The following GLT8D2 variants were observed in gnomAD, a reference collection of about 807,000 sequenced individuals.
GLT8D2 encodes glycosyltransferase 8 domain containing 2, also known as glycosyltransferase 8 domain-containing protein 2.
In GLT8D2, 45 loss-of-function variants were observed where a neutral mutation model predicts 44.5. The observed-to-expected ratio is 1.01, with a 90% confidence interval of 0.80 to 1.30. The LOEUF is 1.30. Ranked by LOEUF, GLT8D2 falls within the 50% of genes most tolerant of loss-of-function variation. The pLI is 0.00. For missense variants in GLT8D2, 400 were observed against 430.4 expected, an observed-to-expected ratio of 0.93 and a Z score of 0.62; for synonymous variants, 156 against 157.2, an observed-to-expected ratio of 0.99 and a Z score of 0.06.
intron 1 of GLT8D2, among the ~76,000 whole-genome samples, chr12:104,043,988 G>A (rs1268838144): frequency 2.0e-5 from 3 of 152,184 alleles, no homozygotes; most frequent in Admixed American, 6.5e-5. Flanking sequence ...CAACAAAGCA[G>A]CCAGAATGAA....
intron 1 of GLT8D2, among the ~76,000 whole-genome samples, chr12:104,026,964 G>A (rs191232170): frequency 5.8e-4 from 88 of 152,312 alleles, no homozygotes; most frequent in African/African-American, 1.9e-3. Context: ...GAGATAGCCC[G>A]AGGAGGTAAT....
chr12:104,009,359 A>G (rs1266335568), intron 4 of GLT8D2, among the ~76,000 whole-genome samples: 2 of 152,222 alleles, frequency 1.3e-5, no homozygotes, highest in East Asian at 3.8e-4. Context: ...TGGATTTTGG[A>G]CAAGCACAGG....
At chr12:104,039,744 C>T (rs1315569264) in intron 1 of GLT8D2, among the ~76,000 whole-genome samples, 3 of 152,168 alleles carry the variant, frequency 2.0e-5, no homozygotes, top group African/African-American at 7.2e-5. Context: ...GTGGTGATGC[C>T]TCAAGGATCT....
At chr12:104,034,008 A>C (rs1326094909) in intron 1 of GLT8D2, among the ~76,000 whole-genome samples, 1 of 152,078 alleles carries the variant, frequency 6.6e-6, no homozygotes, top group Non-Finnish European at 1.5e-5. Context: ...TTATTTGTTA[A>C]TTATACCTCA....
chr12:104,051,674 C>T (rs939557291), upstream of GLT8D2, among the ~76,000 whole-genome samples: 1 of 151,994 alleles, frequency 6.6e-6, no homozygotes, highest in Non-Finnish European at 1.5e-5. Context: ...GAACCTATTC[C>T]TCCTATCTAG....
chr12:104,018,317 T>C (rs1877153777), intron 3 of GLT8D2, among the ~76,000 whole-genome samples: 1 of 152,162 alleles, frequency 6.6e-6, no homozygotes, highest in Non-Finnish European at 1.5e-5. Context: ...CTTAATCTAT[T>C]GACTTCATAT....
chr12:104,014,371 T>C, intron 4 of GLT8D2: 1 of 663,956 alleles, frequency 1.5e-6, no homozygotes, highest in East Asian at 2.7e-5. Flanking sequence ...AAAAGTAAAT[T>C]AATTAAAAAT....
chr12:104,053,122 A>C (rs1027917807), upstream of GLT8D2, among the ~76,000 whole-genome samples: 5 of 152,168 alleles, frequency 3.3e-5, no homozygotes, highest in African/African-American at 1.2e-4. Context: ...CTAGTCCCTC[A>C]GACATGTCCC....
chr12:104,048,728 G>C (rs2136510889), intron 1 of GLT8D2, among the ~76,000 whole-genome samples: 1 of 152,146 alleles, frequency 6.6e-6, no homozygotes, highest in East Asian at 1.9e-4. Context: ...CAAAAGCAGA[G>C]GTGTTGCCAA....
upstream of GLT8D2, among the ~76,000 whole-genome samples, chr12:104,053,666 C>T (rs148819685): frequency 9.8e-3 from 1,487 of 152,220 alleles, 26 homozygotes; most frequent in African/African-American, 0.033. Flanking sequence ...GGGTGGATCA[C>T]GAGGTCAGGA....
At chr12:104,015,831 A>C (rs187731062) in intron 3 of GLT8D2, among the ~76,000 whole-genome samples, 109 of 151,886 alleles carry the variant, frequency 7.2e-4, no homozygotes, top group Middle Eastern at 3.4e-3. Flanking sequence ...GTGAAACCCT[A>C]TCTCTACTAA....
intron 1 of GLT8D2, chr12:104,030,738 T>C (rs2136428569): frequency 6.2e-7 from 1 of 1,612,082 alleles, no homozygotes; most frequent in South Asian, 1.1e-5. Flanking sequence ...GACTCCGGAA[T>C]CTGCTAATCC....
chr12:104,019,791 A>G, intron 2 of GLT8D2, 115 bp from the exon 3 acceptor site: 2 of 583,178 alleles, frequency 3.4e-6, no homozygotes, highest in Non-Finnish European at 2.9e-6. Context: ...GTGTGTGATC[A>G]TTTTTTACTG....
intron 4 of GLT8D2, among the ~76,000 whole-genome samples, chr12:104,009,577 G>T (rs987807837): frequency 3.9e-5 from 6 of 152,184 alleles, no homozygotes; most frequent in Non-Finnish European, 7.4e-5. Flanking sequence ...GACTTTGGGG[G>T]ACTGTTGAGA....
intron 3 of GLT8D2, among the ~76,000 whole-genome samples, chr12:104,016,766 A>AAGGAAG (rs1566199604): frequency 1.7e-4 from 14 of 80,982 alleles, no homozygotes; most frequent in African/African-American, 7.3e-4. Flanking sequence ...AAAGAAAGAA[A>AAGGAAG]GAAAGAAAGA....
chr12:104,034,176 A>G (rs1214349393), intron 1 of GLT8D2, among the ~76,000 whole-genome samples: 1 of 152,266 alleles, frequency 6.6e-6, no homozygotes, highest in East Asian at 1.9e-4. Context: ...TTCCATTCCA[A>G]GATGGCTGAA....
chr12:104,008,310 G>C (rs925885277), intron 4 of GLT8D2, among the ~76,000 whole-genome samples: 8 of 152,198 alleles, frequency 5.3e-5, no homozygotes, highest in African/African-American at 1.9e-4. Flanking sequence ...TGAGGAACTT[G>C]TTGGGAACTG....
rs1255170816 is a variant in GLT8D2, at chr12:104,022,043, AGAAGAAGAAGAAGGG to A, written c.-163-567_-163-553del. Among the ~76,000 whole-genome samples the A allele has an allele frequency of 3.0e-4, 40 of 133,666 alleles. 7 individuals carry two copies. The highest frequency in any genetic ancestry group is 1.3e-3 in the African/African-American group (38 of 29,574). 87.7% of individuals were successfully genotyped at this position (133,666 alleles called of 152,430 possible). A position where few individuals can be genotyped will look rare whatever the true frequency, so the allele number is the denominator to read the frequency against. On this transcript the variant is annotated intron_variant, in intron 1 of 10. Coordinates refer to ENST00000360814, the MANE Select transcript of GLT8D2 (RefSeq NM_001384711.1). ...AAGAAAAAGAAGAAGAAGAAGAAGA[AGAAGAAGAAGAAGGG>A]AAAGAAAGAAAGAAAGAAAAAAAAA...
chr12:104,014,108 A>T (rs78959952), intron 4 of GLT8D2: 6,249 of 532,946 alleles, frequency 0.012, 71 homozygotes, highest in South Asian at 0.032. Context: ...TCATGCCTGT[A>T]ATCCCAGCAC....
Sources: gnomAD v4.1 joint callset for allele counts (sites outside exome capture counted in the v4.1 genomes callset) on GRCh38, gnomAD v4.1.1 for gene constraint, MANE v1.5 for transcripts, NCBI Gene and HGNC (gene_info 2026-07-23, HGNC 2026-07-21) for gene names.